Variants in CDC42BPG observed in about 807,000 individuals in gnomAD.
CDC42BPG encodes the protein CDC42 binding protein kinase gamma, also known as serine/threonine-protein kinase MRCK gamma.
A neutral mutation model predicts 192.2 loss-of-function variants in CDC42BPG; 157 were observed. That is an observed-to-expected ratio of 0.82 (90% CI 0.72 to 0.93). The LOEUF is 0.93. CDC42BPG is among the 40% of genes least tolerant of loss of function. CDC42BPG has a pLI of 0.00. For synonymous variants in CDC42BPG, 981 were observed against 918.5 expected (o/e 1.07, Z -1.23); for missense variants, 1,992 against 2,122.1 (o/e 0.94, Z 1.20).
Position 64,829,375 on chromosome 11 carries a change from C to G in CDC42BPG, c.3967+96G>C. The G allele has an allele frequency of 7.4e-6, 11 of 1,480,738 alleles. No individual in the cohort carries two copies. The South Asian group carries it at 1.4e-4, about 18-fold the overall frequency. The allele number at this position is 1,480,738 out of a possible 1,614,324, so 91.7% of individuals were successfully genotyped here. ...GGAGGATGCAAACTGGCACCAAAGGCCTCCAATGCCAGGCTCATGAGTTGA... is the reference window on the plus strand; with the variant it reads ...GGAGGATGCAAACTGGCACCAAAGGGCTCCAATGCCAGGCTCATGAGTTGA... On this transcript the variant is annotated intron_variant, in intron 30 of 36. Transcript: ENST00000342711.
At position 64,834,923 on chromosome 11, in the gene CDC42BPG, G is replaced by C; in HGVS notation, c.2101C>G (p.Leu701Val). 6.2e-7 allele frequency: 1 copy of C among 1,614,160 alleles called. No homozygotes were observed. Among genetic ancestry groups the C allele is most frequent in the Non-Finnish European group, 8.5e-7 (1 of 1,180,030 alleles). The change falls in exon 18 of 37, where the codon CTG becomes GTG. Residue 701 changes from leucine to valine, a missense_variant. Coordinates refer to ENST00000342711, the MANE Select transcript of CDC42BPG (RefSeq NM_017525.3). Reference protein sequence around the residue: ...EKVSRGYLQALATKMAEELES... With the variant: ...EKVSRGYLQAVATKMAEELES... ...AGCTCCTCTGCCATCTTGGTGGCCA[G>C]GGCCTGCAGGTAGCCTCTTGAGACC...
chr11:64,833,685 A>G, intron 22 of CDC42BPG, 26 bp from the exon 23 acceptor site: 3 of 1,612,938 alleles, frequency 1.9e-6, no homozygotes, highest in Non-Finnish European at 2.5e-6. Context: ...GGAGCAGGTG[A>G]GACGGGCAAG....
chr11:64,830,255 G>T lies in CDC42BPG; in HGVS notation c.3306C>A (p.Asp1102Glu). 1.2e-6 allele frequency: 2 copies of T among 1,606,386 alleles called. No individual in the cohort carries two copies. The highest frequency in any genetic ancestry group is 2.2e-5 in the South Asian group (2 of 89,698). Reference sequence around the variant, plus strand: ...CGGTGCCAAGCGCAAGTCGATCCTGGTCTGGTAGAGGGAGGCAGAGGGTCA... The same window carrying T: ...CGGTGCCAAGCGCAAGTCGATCCTGTTCTGGTAGAGGGAGGCAGAGGGTCA... ...LPHTLCAAIL[D>E]QDRLALGTEE... Residue 1102 changes from aspartate (D) to glutamate (E), a missense_variant and splice_region_variant, in exon 29 of 37, where the codon GAC becomes GAA. This residue lies in a region of CDC42BPG where 1,656 missense variants were observed against 1,844.3 expected (regional missense o/e 0.90). Coordinates refer to ENST00000342711, the MANE Select transcript of CDC42BPG (RefSeq NM_017525.3).
chr11:64,823,647 C>T lies in CDC42BPG; in HGVS notation c.*826G>A, dbSNP rs1942320693. On this transcript the variant is annotated 3_prime_UTR_variant, in exon 37 of 37. Transcript: ENST00000342711. ...AGTGTGCCCGGAGACCCTCCAGTGG[C>T]CCCCACTGGGTACCCATCTCCCACC... 6.6e-6 allele frequency: 1 copy of T among 152,084 alleles called. No homozygotes were observed. Among genetic ancestry groups the T allele is most frequent in the Non-Finnish European group, 1.5e-5 (1 of 68,006 alleles). The allele number at this position is 152,084 out of a possible 1,614,324, so 9.4% of individuals were successfully genotyped here.
Position 64,829,742 on chromosome 11 carries a change from C to T in CDC42BPG, c.3696G>A (p.Gly1232=), listed in dbSNP as rs767329526. ...CCACACATAGCCGGTCGCCCAGCAG[C>T]CCCAGGCTCTGCACAGTGGCAGGTG... ...LQAPATVQSL[G]LLGDRLCVGA... Residue 1232 remains glycine (G), a synonymous_variant, in exon 30 of 37, where the codon GGG becomes GGA. Coordinates refer to ENST00000342711, the MANE Select transcript of CDC42BPG (RefSeq NM_017525.3). 3 of 1,607,874 alleles carry T rather than the reference C, an allele frequency of 1.9e-6. No homozygotes were observed. Among genetic ancestry groups the T allele is most frequent in the Non-Finnish European group, 2.5e-6 (3 of 1,178,014 alleles).
Position 64,841,720 on chromosome 11 carries a change from C to T in CDC42BPG, c.266G>A (p.Arg89Lys). Residue 89 changes from arginine to lysine, a missense_variant, in exon 3 of 37, where the codon AGG becomes AAG. Arg to Lys is a conservative substitution (Grantham distance 26). Coordinates refer to ENST00000342711, the MANE Select transcript of CDC42BPG (RefSeq NM_017525.3). ...RGAFGEVTVV[R>K]QRDTGQIFAM... ...AAAAATCTGCCCAGTGTCCCTCTGC[C>T]TCACCACGGTGACCTAAGGCCACAG... The T allele has an allele frequency of 6.2e-7, 1 of 1,613,986 alleles. No homozygotes were observed. Among genetic ancestry groups the T allele is most frequent in the Non-Finnish European group, 8.5e-7 (1 of 1,180,010 alleles).
rs764566453 is a variant in CDC42BPG at position 64,834,314 on chromosome 11, G to A, written c.2365C>T (p.Gln789Ter). 6 of 1,579,406 alleles carry A rather than the reference G, an allele frequency of 3.8e-6. 1 individual carries two copies. In the South Asian group the frequency reaches 6.9e-5, roughly 18 times the overall value. ...TCCTCCCGCAGCATGGCGAGCTCCT[G>A]TTGCAGGGCCTGGCTCTGCTTCTCG... ...EAEKQSQALQQELAMLREELR... is the reference protein window; with the variant it reads ...EAEKQSQALQ The change falls in exon 20 of 37, where the codon CAG (glutamine) becomes TAG (stop). Residue 789 changes from glutamine to a stop codon, truncating the protein, a stop_gained. Transcript: ENST00000342711. LOFTEE classifies it high-confidence loss of function.
At chr11:64,826,344 C>T (rs1230650891) in intron 36 of CDC42BPG, 126 bp downstream of exon 36, 7 of 695,814 alleles carry the variant, frequency 1.0e-5, no homozygotes, top group South Asian at 5.1e-5. Flanking sequence ...ATCTGCATCT[C>T]GTAGAATCGA....
rs752218196 is a variant in CDC42BPG at position 64,824,272 on chromosome 11, G to C, written c.*201C>G. ...TAGAAAGGCTGGGGCTGGGAACAGAGGGGTAAGGCAGGATGAGGGCTGGGA... is the reference window on the plus strand; with the variant it reads ...TAGAAAGGCTGGGGCTGGGAACAGACGGGTAAGGCAGGATGAGGGCTGGGA... On this transcript the variant is annotated 3_prime_UTR_variant, in exon 37 of 37. Coordinates refer to ENST00000342711, the MANE Select transcript of CDC42BPG (RefSeq NM_017525.3). The C allele has an allele frequency of 1.5e-6, 1 of 653,364 alleles. No individual in the cohort carries two copies. The allele number at this position is 653,364 out of a possible 1,614,324, so 40.5% of individuals were successfully genotyped here.
intron 9 of CDC42BPG, 25 bp downstream of exon 9, chr11:64,838,058 C>T: frequency 1.9e-6 from 3 of 1,545,632 alleles, no homozygotes; most frequent in South Asian, 1.2e-5. Context: ...GAGCCTCCCA[C>T]CAGGTGTGTG....
At chr11:64,835,470 C>T in intron 15 of CDC42BPG, 30 bp downstream of exon 15, 1 of 1,608,426 alleles carries the variant, frequency 6.2e-7, no homozygotes, top group Non-Finnish European at 8.5e-7. Flanking sequence ...CCAGGCCCGG[C>T]CCCTCCCTGC....
intron 3 of CDC42BPG, 58 bp downstream of exon 3, chr11:64,841,592 A>C: frequency 7.7e-7 from 1 of 1,302,338 alleles, no homozygotes. Flanking sequence ...CTGGCAGCAT[A>C]CACCTCCCCC....
intron 8 of CDC42BPG, 92 bp from the exon 9 acceptor site, chr11:64,838,254 T>G: frequency 1.0e-6 from 1 of 957,988 alleles, no homozygotes; most frequent in Non-Finnish European, 1.6e-6. Context: ...TGCGACCACC[T>G]CCTGCACAGG....
In CDC42BPG at chr11:64,833,294, TC is replaced by T; in HGVS notation, c.2667del (p.Thr890ProfsTer9). The T allele has an allele frequency of 6.5e-7, 1 of 1,545,080 alleles. No individual in the cohort carries two copies. Among genetic ancestry groups the T allele is most frequent in the Non-Finnish European group, 8.7e-7 (1 of 1,145,108 alleles). ...HTLRPRSFPSPTKCLRCTSLM... is the reference protein window; with the variant it reads ...HTLRPRSFPSXTKCLRCTSLM... The stretch of plus-strand genomic sequence containing the variant: ...AGCGAGGTGCAGCGGAGACACTTGG[TC>T]GGGGATGGGAAGCTCCGGGGGCGCA... On this transcript the variant is annotated frameshift_variant, in exon 24 of 37. Coordinates refer to ENST00000342711, the MANE Select transcript of CDC42BPG (RefSeq NM_017525.3). LOFTEE classifies it high-confidence loss of function.
In CDC42BPG at chr11:64,829,610, C is replaced by A; in HGVS notation, c.3828G>T (p.Leu1276=). The change falls in exon 30 of 37, where the codon CTG becomes CTT. Residue 1276 remains leucine (L), a synonymous_variant. Transcript: ENST00000342711. ...PEELPPSRGG[L]GEALGAVELS... Reference sequence around the variant, plus strand: ...GCTCCACGGCACCCAGTGCCTCACCCAGGCCCCCGCGGGATGGTGGCAGCT... The same window carrying A: ...GCTCCACGGCACCCAGTGCCTCACCAAGGCCCCCGCGGGATGGTGGCAGCT... 2 of 1,611,782 alleles carry A rather than the reference C, an allele frequency of 1.2e-6. No homozygotes were observed. The highest frequency in any genetic ancestry group is 1.7e-6 in the Non-Finnish European group (2 of 1,179,410).
At chr11:64,825,205 C>T (rs1942372591) in intron 36 of CDC42BPG, among the ~76,000 whole-genome samples, 1 of 152,210 alleles carries the variant, frequency 6.6e-6, no homozygotes, top group Non-Finnish European at 1.5e-5. Flanking sequence ...GGGTGAGCCA[C>T]AGCGCCCAGC....
At chr11:64,832,326 G>C (rs1261664123) in intron 27 of CDC42BPG, 102 bp downstream of exon 27, 32 of 1,204,216 alleles carry the variant, frequency 2.7e-5, no homozygotes, top group Non-Finnish European at 3.5e-5. Flanking sequence ...TGTGGTTGTG[G>C]GCTGGCCCAA....
rs764378872 is a variant in CDC42BPG, at chr11:64,836,315, G to A, written c.1489-19C>T. On this transcript the variant is annotated intron_variant, in intron 12 of 36. Coordinates refer to ENST00000342711, the MANE Select transcript of CDC42BPG (RefSeq NM_017525.3). Reference sequence around the variant, plus strand: ...CCAGCTCCTGAGGAGGCAGGGGAGGGAGCGGGGAAGGACAAGGCCCAGAGT... The same window carrying A: ...CCAGCTCCTGAGGAGGCAGGGGAGGAAGCGGGGAAGGACAAGGCCCAGAGT... 6 of 1,608,286 alleles carry A rather than the reference G, an allele frequency of 3.7e-6. No homozygotes were observed. Among genetic ancestry groups the A allele is most frequent in the Non-Finnish European group, 4.2e-6 (5 of 1,177,954 alleles).
rs980862642 is a variant in CDC42BPG, at chr11:64,823,660, C to G, written c.*813G>C. The G allele has an allele frequency of 6.6e-6, 1 of 152,104 alleles. No individual in the cohort carries two copies. Among genetic ancestry groups the G allele is most frequent in the Non-Finnish European group, 1.5e-5 (1 of 68,034 alleles). 9.4% of individuals were successfully genotyped at this position (152,104 alleles called of 1,614,324 possible). A position where few individuals can be genotyped will look rare whatever the true frequency, so the allele number is the denominator to read the frequency against. Reference sequence around the variant, plus strand: ...ACCCTCCAGTGGCCCCCACTGGGTACCCATCTCCCACCAAAAAGCCCTTAT... The same window carrying G: ...ACCCTCCAGTGGCCCCCACTGGGTAGCCATCTCCCACCAAAAAGCCCTTAT... On this transcript the variant is annotated 3_prime_UTR_variant, in exon 37 of 37. Coordinates refer to ENST00000342711, the MANE Select transcript of CDC42BPG (RefSeq NM_017525.3).
Sources: gnomAD v4.1 joint callset for allele counts (sites outside exome capture counted in the v4.1 genomes callset) on GRCh38, gnomAD v4.1.1 for gene constraint, gnomAD v4.1.1 regional missense constraint, MANE v1.5 for transcripts, NCBI Gene and HGNC (gene_info 2026-07-23, HGNC 2026-07-21) for gene names.